THSD7A: variants seen among roughly 807,000 people sequenced by gnomAD.
THSD7A encodes thrombospondin type-1 domain-containing protein 7A.
A neutral mutation model predicts 231.3 loss-of-function variants in THSD7A; 96 were observed. That is an observed-to-expected ratio of 0.41 (90% CI 0.35 to 0.49). The LOEUF (loss-of-function observed/expected upper bound fraction) is 0.49. Among genes scored for constraint, THSD7A ranks in the 20% least tolerant of loss-of-function variants. The probability of loss-of-function intolerance (pLI) is 0.05; values close to 1 mark genes in which losing one functional copy is unlikely to be tolerated. For missense variants in THSD7A, 2,290 were observed against 2,070.2 expected, an observed-to-expected ratio of 1.11 and a Z score of -2.06; for synonymous variants, 940 against 743.3, an observed-to-expected ratio of 1.26 and a Z score of -4.30.
chr7:11,659,800 T>C (rs563581259), intron 1 of THSD7A, among the ~76,000 whole-genome samples: 54 of 151,676 alleles, frequency 3.6e-4, no homozygotes, highest in African/African-American at 1.3e-3. Flanking sequence ...GTGAAATCTC[T>C]TCCAATGAGC....
At chr7:11,476,850 C>A (rs1394892947) in intron 7 of THSD7A, among the ~76,000 whole-genome samples, 2 of 150,010 alleles carry the variant, frequency 1.3e-5, no homozygotes, top group Non-Finnish European at 3.0e-5. Context: ...GTGTAGAAAG[C>A]GATTATATAC....
intron 1 of THSD7A, among the ~76,000 whole-genome samples, chr7:11,690,445 T>C (rs1180390761): frequency 6.6e-6 from 1 of 151,776 alleles, no homozygotes; most frequent in East Asian, 1.9e-4. Context: ...GTCTGAATGG[T>C]AGTGACAATT....
At chr7:11,434,369 TAA>T (rs1328932817) in intron 13 of THSD7A, among the ~76,000 whole-genome samples, 2 of 151,002 alleles carry the variant, frequency 1.3e-5, no homozygotes, top group African/African-American at 4.9e-5. Flanking sequence ...CAGGTTGAAA[TAA>T]ATACAAAAGA....
In THSD7A at chr7:11,516,061, G is replaced by A. The variant is rs147238068; in HGVS notation, c.1822+25358C>T. Among the ~76,000 whole-genome samples, 325 of 152,086 alleles carry A rather than the reference G, an allele frequency of 2.1e-3. 2 individuals are homozygous for A. The highest frequency in any genetic ancestry group is 6.9e-3 in the African/African-American group (287 of 41,520). The stretch of plus-strand genomic sequence containing the variant: ...GATCATTTTTAAAAGTGATTTTTCC[G>A]TTTTCCTTTCTAAATTTGAGATTTC... On this transcript the variant is annotated intron_variant, in intron 6 of 27. Transcript: ENST00000423059.
At chr7:11,734,254 C>T (rs1014268209) in intron 1 of THSD7A, among the ~76,000 whole-genome samples, 1 of 151,974 alleles carries the variant, frequency 6.6e-6, no homozygotes, top group African/African-American at 2.4e-5. Context: ...TCGCCCCAAA[C>T]CATGCACACA....
intron 1 of THSD7A, among the ~76,000 whole-genome samples, chr7:11,709,183 T>C (rs544971065): frequency 6.6e-6 from 1 of 150,904 alleles, no homozygotes; most frequent in South Asian, 2.1e-4. Flanking sequence ...GGGTCTGGCT[T>C]TGTTGTGAGC....
At chr7:11,533,920 G>T (rs1052664868) in intron 6 of THSD7A, among the ~76,000 whole-genome samples, 1 of 152,134 alleles carries the variant, frequency 6.6e-6, no homozygotes, top group Non-Finnish European at 1.5e-5. Flanking sequence ...GGGCAGAAAT[G>T]GCTGAATGCT....
Position 11,474,647 on chromosome 7 carries a change from A to G in THSD7A, c.2018-79T>C. On this transcript the variant is annotated intron_variant, in intron 7 of 27. Transcript: ENST00000423059. The surrounding 1 kb of genome is among the most constrained non-coding windows in gnomAD (Gnocchi z 4.1). ...CCATACTCTGTTCTTTGGAATTAACATGGCTTAGAAATAAAAAGTGACTTT... is the reference window on the plus strand; with the variant it reads ...CCATACTCTGTTCTTTGGAATTAACGTGGCTTAGAAATAAAAAGTGACTTT... 1.7e-6 allele frequency: 2 copies of G among 1,163,318 alleles called. No individual in the cohort carries two copies. The highest frequency in any genetic ancestry group is 1.7e-5 in the South Asian group (1 of 60,236). The allele number at this position is 1,163,318 out of a possible 1,614,324, so 72.1% of individuals were successfully genotyped here. A position where few individuals can be genotyped will look rare whatever the true frequency, so the allele number is the denominator to read the frequency against.
chr7:11,669,479 T>C (rs959476271), intron 1 of THSD7A, among the ~76,000 whole-genome samples: 2 of 151,954 alleles, frequency 1.3e-5, no homozygotes, highest in Non-Finnish European at 1.5e-5. Context: ...AGGGTGAAGA[T>C]TGCTGTTATT....
At chr7:11,822,701 C>A (rs1469655879) in intron 1 of THSD7A, among the ~76,000 whole-genome samples, 5 of 151,888 alleles carry the variant, frequency 3.3e-5, no homozygotes, top group African/African-American at 7.2e-5. Flanking sequence ...TTCCATATAC[C>A]TGTTAATCAT....
At chr7:11,545,690 A>G (rs963996635) in intron 4 of THSD7A, among the ~76,000 whole-genome samples, 1 of 152,242 alleles carries the variant, frequency 6.6e-6, no homozygotes, top group Non-Finnish European at 1.5e-5. Context: ...CATGGACCCC[A>G]GAATCCTAGC....
intron 4 of THSD7A, among the ~76,000 whole-genome samples, chr7:11,569,612 G>C (rs7790988): frequency 0.14 from 20,963 of 152,164 alleles, 1,627 homozygotes; most frequent in East Asian, 0.2. Context: ...CAACAGTGTT[G>C]TGGTTTCTCA....
intron 2 of THSD7A, among the ~76,000 whole-genome samples, chr7:11,607,016 AAT>A (rs918952953): frequency 5.9e-5 from 9 of 151,696 alleles, no homozygotes; most frequent in African/African-American, 1.9e-4. Flanking sequence ...ATAATAAAAA[AAT>A]ATATATATAA....
chr7:11,484,226 T>A (rs563029813), intron 6 of THSD7A, among the ~76,000 whole-genome samples: 1 of 152,236 alleles, frequency 6.6e-6, no homozygotes, highest in East Asian at 1.9e-4. Flanking sequence ...CCCTTCCAGG[T>A]ATGATCTTGT....
chr7:11,382,687 TAATAACA>T, intron 23 of THSD7A, 71 bp from the exon 24 acceptor site: 4 of 1,123,740 alleles, frequency 3.6e-6, no homozygotes, highest in Non-Finnish European at 5.3e-6. Flanking sequence ...GATAGAGTAT[TAATAACA>T]TATTACTGAA....
At chr7:11,450,597 A>G (rs1315251032) in intron 11 of THSD7A, among the ~76,000 whole-genome samples, 2 of 152,068 alleles carry the variant, frequency 1.3e-5, no homozygotes, top group Non-Finnish European at 2.9e-5. Flanking sequence ...ATGTTTGGAA[A>G]GGAAACCATC....
At chr7:11,513,246 A>T (rs1241047122) in intron 6 of THSD7A, among the ~76,000 whole-genome samples, 1 of 151,742 alleles carries the variant, frequency 6.6e-6, no homozygotes, top group Non-Finnish European at 1.5e-5. Flanking sequence ...GGATCTCACA[A>T]ATCTCCACTA....
At chr7:11,828,657 C>T (rs13437920) in intron 1 of THSD7A, among the ~76,000 whole-genome samples, 1,617 of 152,154 alleles carry the variant, frequency 0.011, 28 homozygotes, top group African/African-American at 0.037. Context: ...TCAGCTTTTA[C>T]CACAGTGGTT....
chr7:11,816,742 G>A (rs940065113), intron 1 of THSD7A, among the ~76,000 whole-genome samples: 4 of 143,738 alleles, frequency 2.8e-5, no homozygotes, highest in African/African-American at 1.0e-4. Flanking sequence ...AGTGAAAAAA[G>A]TGTATAATTG....
Sources: gnomAD v4.1 joint callset for allele counts (sites outside exome capture counted in the v4.1 genomes callset) on GRCh38, gnomAD v4.1.1 for gene constraint, Gnocchi (gnomAD v3.1) non-coding constraint, MANE v1.5 for transcripts, NCBI Gene and HGNC (gene_info 2026-07-23, HGNC 2026-07-21) for gene names.